The following DPP6 variants were observed in gnomAD, a reference collection of about 807,000 sequenced individuals.
The protein encoded by DPP6 is dipeptidyl peptidase like 6.
A neutral mutation model predicts 122.6 loss-of-function variants in DPP6; 69 were observed. That is an observed-to-expected ratio of 0.56 (90% CI 0.46 to 0.69). The LOEUF (loss-of-function observed/expected upper bound fraction) is 0.69, where lower values mean the gene tolerates loss of function less well. Ranked by LOEUF, DPP6 falls within the 30% of genes least tolerant of loss-of-function variation. The pLI is 0.00. For synonymous variants in DPP6, 418 were observed against 433.1 expected, an observed-to-expected ratio of 0.97 and a Z score of 0.43; for missense variants, 928 against 1,116.9, an observed-to-expected ratio of 0.83 and a Z score of 2.41.
intron 2 of DPP6, among the ~76,000 whole-genome samples, chr7:154,450,836 G>A (rs1193291463): frequency 6.6e-6 from 1 of 152,230 alleles, no homozygotes; most frequent in Non-Finnish European, 1.5e-5. Flanking sequence ...TATAGAGGAA[G>A]TCAAGTTTTC....
At chr7:154,286,497 A>G (rs1804859554) in intron 1 of DPP6, among the ~76,000 whole-genome samples, 1 of 152,230 alleles carries the variant, frequency 6.6e-6, no homozygotes, top group African/African-American at 2.4e-5. Context: ...GCCTTCATCT[A>G]TCAGGGGACT....
chr7:154,436,909 A>G (rs547504198), intron 1 of DPP6, among the ~76,000 whole-genome samples: 2 of 152,332 alleles, frequency 1.3e-5, no homozygotes, highest in Admixed American at 6.5e-5. Context: ...AGAAATATTC[A>G]TCTTATATTC....
chr7:153,770,824 A>T, the DPP6 span, among the ~76,000 whole-genome samples: 1 of 152,232 alleles, frequency 6.6e-6, no homozygotes, highest in African/African-American at 2.4e-5. Context: ...ATGAATATAA[A>T]TGTGGATAAA....
Position 154,574,735 on chromosome 7 carries a change from T to G in DPP6, c.627+7819T>G, listed in dbSNP as rs1199556293. Among the ~76,000 whole-genome samples, 244 of 142,178 alleles carry G rather than the reference T, an allele frequency of 1.7e-3. 3 individuals carry two copies. Among genetic ancestry groups the G allele is most frequent in the African/African-American group, 6.0e-3 (228 of 37,976 alleles). 93.3% of individuals were successfully genotyped at this position (142,178 alleles called of 152,430 possible). On this transcript the variant is annotated intron_variant, in intron 5 of 25. Transcript: ENST00000377770. ...TATGTGTGTGTGGGGTGTACGTGTG[T>G]GGTGTGTGTATGTGTGTTGTGTGTG...
chr7:154,817,292 C>T (rs1799479486), intron 16 of DPP6, among the ~76,000 whole-genome samples: 1 of 152,116 alleles, frequency 6.6e-6, no homozygotes, highest in Non-Finnish European at 1.5e-5. Flanking sequence ...AGGCCAAGTG[C>T]AGGTTCAGCA....
chr7:153,901,543 A>C (rs1283235863), intron 1 of DPP6, among the ~76,000 whole-genome samples: 2 of 152,274 alleles, frequency 1.3e-5, no homozygotes, highest in South Asian at 4.1e-4. Context: ...AGAAAGTGGT[A>C]TTAGATTGAT....
intron 1 of DPP6, among the ~76,000 whole-genome samples, chr7:154,125,251 A>G (rs1347313250): frequency 6.6e-6 from 1 of 152,240 alleles, no homozygotes; most frequent in East Asian, 1.9e-4. Flanking sequence ...AGAAGCCAGG[A>G]ACACAGCAGG....
At chr7:154,556,792 T>C (rs1054350725) in intron 4 of DPP6, among the ~76,000 whole-genome samples, 1 of 152,138 alleles carries the variant, frequency 6.6e-6, no homozygotes, top group Non-Finnish European at 1.5e-5. Context: ...TTCTTCCAAA[T>C]TGAGCACAAA....
At chr7:154,495,686 G>A (rs1824676162) in intron 3 of DPP6, among the ~76,000 whole-genome samples, 2 of 152,224 alleles carry the variant, frequency 1.3e-5, no homozygotes, top group East Asian at 1.9e-4. Flanking sequence ...CACTGCGGCC[G>A]GCCTGTATAT....
intron 7 of DPP6, among the ~76,000 whole-genome samples, chr7:154,676,275 T>TGGC (rs1838900585): frequency 6.8e-6 from 1 of 148,118 alleles, no homozygotes; most frequent in Non-Finnish European, 1.5e-5. Context: ...GGGCGTGCTG[T>TGGC]CTGGAGGTCC....
chr7:154,545,157 A>G lies in DPP6; in HGVS notation c.552+4531A>G, dbSNP rs145087898. On this transcript the variant is annotated intron_variant, in intron 4 of 25. Coordinates refer to ENST00000377770, the MANE Select transcript of DPP6 (RefSeq NM_130797.4). ...GATGTCACAGAAATTCCGGGACCTT[A>G]CACTTTACTCTTTTAAACACAATTT... Among the ~76,000 whole-genome samples, 6 of 152,360 alleles carry G rather than the reference A, an allele frequency of 3.9e-5. No homozygotes were observed. In the East Asian group the frequency reaches 1.2e-3, roughly 29 times the overall value.
intron 16 of DPP6, among the ~76,000 whole-genome samples, chr7:154,838,027 G>A (rs1045600303): frequency 2.1e-4 from 32 of 152,078 alleles, no homozygotes; most frequent in Admixed American, 1.1e-3. Flanking sequence ...AGTAGGCAGC[G>A]TCTCCACTTG....
At chr7:154,856,608 C>T (rs2150585772) in intron 17 of DPP6, among the ~76,000 whole-genome samples, 1 of 152,334 alleles carries the variant, frequency 6.6e-6, no homozygotes, top group South Asian at 2.1e-4. Flanking sequence ...ATTTTGTTAA[C>T]TCTGCTGGGA....
intron 1 of DPP6, among the ~76,000 whole-genome samples, chr7:154,408,330 T>C (rs928247187): frequency 6.6e-6 from 1 of 152,214 alleles, no homozygotes; most frequent in Non-Finnish European, 1.5e-5. Context: ...ATGTCACTGA[T>C]TACCTGCTTG....
the DPP6 span, among the ~76,000 whole-genome samples, chr7:153,794,645 T>C: frequency 6.6e-6 from 1 of 152,104 alleles, no homozygotes; most frequent in Non-Finnish European, 1.5e-5. Flanking sequence ...TTGGTTTTGA[T>C]ATGTGAGGAC....
chr7:154,575,136 T>C (rs1831475781), intron 5 of DPP6, among the ~76,000 whole-genome samples: 1 of 136,722 alleles, frequency 7.3e-6, no homozygotes. Context: ...GTGTGTGTGG[T>C]ATGTGTATGT....
chr7:154,489,313 G>A (rs1824069041), intron 3 of DPP6, among the ~76,000 whole-genome samples: 1 of 152,164 alleles, frequency 6.6e-6, no homozygotes, highest in African/African-American at 2.4e-5. Flanking sequence ...CATTTAAAAT[G>A]CTTTAGGGGC....
intron 16 of DPP6, among the ~76,000 whole-genome samples, chr7:154,837,263 A>G (rs1023009978): frequency 2.0e-5 from 3 of 151,808 alleles, no homozygotes; most frequent in Admixed American, 1.3e-4. Flanking sequence ...ACACATGCAC[A>G]CACATGCACA....
At chr7:154,235,497 C>T (rs1019916493) in intron 1 of DPP6, among the ~76,000 whole-genome samples, 15 of 141,070 alleles carry the variant, frequency 1.1e-4, no homozygotes, top group Non-Finnish European at 2.3e-4. Context: ...CTTTTTTCCT[C>T]TTACTATACA....
Sources: gnomAD v4.1 joint callset for allele counts (sites outside exome capture counted in the v4.1 genomes callset) on GRCh38, gnomAD v4.1.1 for gene constraint, MANE v1.5 for transcripts, NCBI Gene and HGNC (gene_info 2026-07-23, HGNC 2026-07-21) for gene names.